Variants in WWOX observed in about 807,000 individuals in gnomAD.
WWOX encodes the protein WW domain containing oxidoreductase.
Under a neutral mutation model 46.2 loss-of-function variants are expected in WWOX, and 69 were observed. The observed-to-expected ratio is 1.49, with a 90% confidence interval of 1.23 to 1.82. The LOEUF is 1.82. WWOX is among the 40% of genes most tolerant of loss of function. WWOX has a pLI of 0.00. For synonymous variants in WWOX, 359 were observed against 202.6 expected (o/e 1.77, Z -6.56); for missense variants, 919 against 542.6 (o/e 1.69, Z -6.89).
chr16:78,597,285 T>C (rs2045513736), intron 8 of WWOX, among the ~76,000 whole-genome samples: 1 of 152,166 alleles, frequency 6.6e-6, no homozygotes, highest in Admixed American at 6.5e-5. Context: ...AGTCAGTCAA[T>C]CAATTAAACG....
rs75664097 is a variant in WWOX at position 78,595,533 on chromosome 16, G to A, written c.1056+162781G>A. On this transcript the variant is annotated intron_variant, in intron 8 of 8. Transcript: ENST00000566780. ...GTACAAGACCACATCTCTCAATGGTGAGGTCCTCAATCTCTCCCTCCCCAC... is the reference window on the plus strand; with the variant it reads ...GTACAAGACCACATCTCTCAATGGTAAGGTCCTCAATCTCTCCCTCCCCAC... Among the ~76,000 whole-genome samples, 133 of 152,292 alleles carry A rather than the reference G, an allele frequency of 8.7e-4. No homozygotes were observed. The East Asian group carries it at 0.02, about 23-fold the overall frequency.
intron 8 of WWOX, among the ~76,000 whole-genome samples, chr16:78,436,358 G>T (rs1303568980): frequency 6.6e-6 from 1 of 152,170 alleles, no homozygotes; most frequent in Non-Finnish European, 1.5e-5. Flanking sequence ...CAACCTGCAC[G>T]TCTCATTTGT....
intron 8 of WWOX, among the ~76,000 whole-genome samples, chr16:78,675,690 T>C (rs1048481483): frequency 3.9e-5 from 6 of 152,182 alleles, no homozygotes; most frequent in Non-Finnish European, 5.9e-5. Context: ...AACATGACTT[T>C]CTGGCCAGGC....
At chr16:79,003,946 G>T (rs2047143270) in intron 8 of WWOX, among the ~76,000 whole-genome samples, 1 of 152,126 alleles carries the variant, frequency 6.6e-6, no homozygotes, top group Admixed American at 6.5e-5. Context: ...TGGGGCCTTT[G>T]CTCTTTGCCC....
intron 5 of WWOX, among the ~76,000 whole-genome samples, chr16:78,341,122 T>TG (rs2081005508): frequency 8.4e-6 from 1 of 118,426 alleles, no homozygotes; most frequent in African/African-American, 2.9e-5. Context: ...TCAGCTCTCT[T>TG]AAGTCACTTC....
At chr16:78,809,741 A>T (rs1353763244) in intron 8 of WWOX, among the ~76,000 whole-genome samples, 5 of 152,126 alleles carry the variant, frequency 3.3e-5, no homozygotes, top group Admixed American at 3.3e-4. Context: ...TGTCATGACA[A>T]TTTCTCAAAG....
intron 8 of WWOX, chr16:79,078,069 C>G (rs1312686008): frequency 6.6e-6 from 1 of 152,104 alleles, no homozygotes; most frequent in Admixed American, 6.6e-5. Flanking sequence ...AAAAAGGTCC[C>G]CTCCCCAGAT....
chr16:78,109,495 A>G (rs889226826), intron 2 of WWOX, among the ~76,000 whole-genome samples: 20 of 152,214 alleles, frequency 1.3e-4, no homozygotes, highest in African/African-American at 4.6e-4. Context: ...CATTCAAGGG[A>G]GAATTCCCAT....
rs920524529 is a variant in WWOX, at chr16:79,061,149, G to C, written c.1057-150459G>C. 1.9e-4 allele frequency among the ~76,000 whole-genome samples: 29 copies of C among 151,612 alleles called. 1 individual carries two copies. The highest frequency in any genetic ancestry group is 7.0e-4 in the African/African-American group (29 of 41,376). On this transcript the variant is annotated intron_variant, in intron 8 of 8. Transcript: ENST00000566780. ...ACAGTCTCTCAATCCTTTATGTTGA[G>C]GGAGAAATGATAACCAGATCTCATT...
chr16:78,724,163 G>C (rs1002636289), intron 8 of WWOX, among the ~76,000 whole-genome samples: 1 of 152,106 alleles, frequency 6.6e-6, no homozygotes, highest in Admixed American at 6.5e-5. Flanking sequence ...CCACATCCCG[G>C]TTCATATCTC....
At chr16:78,838,651 G>T (rs983489558) in intron 8 of WWOX, among the ~76,000 whole-genome samples, 69 of 152,282 alleles carry the variant, frequency 4.5e-4, no homozygotes, top group African/African-American at 1.6e-3. Context: ...AGACCAGCCT[G>T]ACCAATATAG....
At chr16:78,563,511 AC>A (rs2044489159) in intron 8 of WWOX, among the ~76,000 whole-genome samples, 1 of 140,346 alleles carries the variant, frequency 7.1e-6, no homozygotes, top group African/African-American at 2.9e-5. Flanking sequence ...ACACACACAC[AC>A]ACACGCTTTT....
intron 8 of WWOX, among the ~76,000 whole-genome samples, chr16:78,463,298 G>T (rs1350019017): frequency 1.3e-5 from 2 of 152,112 alleles, no homozygotes; most frequent in African/African-American, 4.8e-5. Flanking sequence ...GTCCATCCGT[G>T]GTAAAAAGCA....
At chr16:78,455,801 A>T (rs2083804124) in intron 8 of WWOX, among the ~76,000 whole-genome samples, 1 of 151,932 alleles carries the variant, frequency 6.6e-6, no homozygotes, top group Non-Finnish European at 1.5e-5. Context: ...TTAAAAAAAA[A>T]AAAAAGGCCA....
chr16:78,796,188 G>A (rs2050732633), intron 8 of WWOX, among the ~76,000 whole-genome samples: 1 of 152,180 alleles, frequency 6.6e-6, no homozygotes, highest in Non-Finnish European at 1.5e-5. Flanking sequence ...TTAACTCCTA[G>A]AACTGTCGTT....
At chr16:78,895,162 A>T (rs2151233582) in intron 8 of WWOX, among the ~76,000 whole-genome samples, 1 of 152,342 alleles carries the variant, frequency 6.6e-6, no homozygotes, top group African/African-American at 2.4e-5. Flanking sequence ...ACCACATTTC[A>T]AAGTTGATAG....
At chr16:78,287,910 C>T (rs1213360876) in intron 5 of WWOX, among the ~76,000 whole-genome samples, 2 of 152,126 alleles carry the variant, frequency 1.3e-5, no homozygotes, top group African/African-American at 4.8e-5. Flanking sequence ...GCCTTTCTTT[C>T]CTGAGTTTGA....
chr16:78,623,750 A>T (rs1036517850), intron 8 of WWOX, among the ~76,000 whole-genome samples: 47 of 141,176 alleles, frequency 3.3e-4, no homozygotes, highest in Non-Finnish European at 6.2e-4. Context: ...AAAAAAAAAA[A>T]AGTGTACTTT....
intron 8 of WWOX, among the ~76,000 whole-genome samples, chr16:78,876,491 A>T (rs1185205319): frequency 6.7e-6 from 1 of 149,256 alleles, no homozygotes; most frequent in African/African-American, 2.5e-5. Flanking sequence ...TTTTTAAAGG[A>T]GTTTCAAGGG....
Sources: gnomAD v4.1 joint callset for allele counts (sites outside exome capture counted in the v4.1 genomes callset) on GRCh38, gnomAD v4.1.1 for gene constraint, MANE v1.5 for transcripts, NCBI Gene and HGNC (gene_info 2026-07-23, HGNC 2026-07-21) for gene names.